NIBAN1: variants seen among roughly 807,000 people sequenced by gnomAD.
NIBAN1 encodes the protein niban apoptosis regulator 1, also known as protein Niban 1.
A neutral mutation model predicts 75.1 loss-of-function variants in NIBAN1; 81 were observed. The observed-to-expected ratio is 1.08, with a 90% confidence interval of 0.90 to 1.30. NIBAN1 has a LOEUF of 1.30. Ranked by LOEUF, NIBAN1 falls within the 50% of genes most tolerant of loss-of-function variation. NIBAN1 has a pLI of 0.00. For synonymous variants in NIBAN1, 436 were observed against 424.8 expected (o/e 1.03, Z -0.32); for missense variants, 1,133 against 1,128.1 (o/e 1.00, Z -0.06).
chr1:184,928,256 C>A (rs1397910763), intron 1 of NIBAN1, among the ~76,000 whole-genome samples: 3 of 152,158 alleles, frequency 2.0e-5, no homozygotes, highest in Admixed American at 1.3e-4. Context: ...TCTTCCCTCT[C>A]CTGAAGCAGA....
chr1:184,913,362 C>T (rs570487395), intron 1 of NIBAN1, among the ~76,000 whole-genome samples: 1 of 152,062 alleles, frequency 6.6e-6, no homozygotes, highest in South Asian at 2.1e-4. Context: ...TGTTCTCAAA[C>T]TTTTGTGTCT....
intron 1 of NIBAN1, among the ~76,000 whole-genome samples, chr1:184,950,352 A>G (rs1453668451): frequency 6.6e-6 from 1 of 152,178 alleles, no homozygotes; most frequent in African/African-American, 2.4e-5. Flanking sequence ...GATGAGAAGG[A>G]GTTAATATAA....
chr1:184,823,060 A>G, intron 8 of NIBAN1, 107 bp downstream of exon 8: 1 of 1,356,270 alleles, frequency 7.4e-7, no homozygotes, highest in South Asian at 1.4e-5. Flanking sequence ...CCTCCTCCCA[A>G]TTTCTTAAGT....
At chr1:184,887,132 G>GTCAA (rs1235391336) in intron 4 of NIBAN1, among the ~76,000 whole-genome samples, 1 of 151,950 alleles carries the variant, frequency 6.6e-6, no homozygotes, top group African/African-American at 2.4e-5. Context: ...AAATCAATCA[G>GTCAA]TCAATCAATC....
intron 5 of NIBAN1, among the ~76,000 whole-genome samples, chr1:184,838,791 T>C (rs762102397): frequency 6.6e-6 from 1 of 152,222 alleles, no homozygotes; most frequent in Non-Finnish European, 1.5e-5. Context: ...TGGGACTCCC[T>C]GACTCAGGCT....
chr1:184,875,527 A>G (rs1248835823), intron 5 of NIBAN1, among the ~76,000 whole-genome samples: 3 of 152,208 alleles, frequency 2.0e-5, no homozygotes, highest in Non-Finnish European at 4.4e-5. Flanking sequence ...GTTCTCCCAA[A>G]TAAGTGATCC....
chr1:184,968,802 CTTTCT>C (rs1324078554), intron 1 of NIBAN1, among the ~76,000 whole-genome samples: 1 of 151,936 alleles, frequency 6.6e-6, no homozygotes, highest in African/African-American at 2.4e-5. Context: ...AAGTTTCTTT[CTTTCT>C]TTCTTTCTTT....
chr1:184,811,913 C>T (rs1415288774), intron 9 of NIBAN1, among the ~76,000 whole-genome samples: 9 of 152,186 alleles, frequency 5.9e-5, no homozygotes, highest in Non-Finnish European at 1.2e-4. Context: ...GCACTCTTTG[C>T]TGATGGCTGT....
intron 1 of NIBAN1, among the ~76,000 whole-genome samples, chr1:184,945,782 G>T (rs1004782114): frequency 2.6e-5 from 4 of 152,128 alleles, no homozygotes; most frequent in African/African-American, 9.7e-5. Flanking sequence ...TGACAAGAAA[G>T]CATGGACTTC....
At chr1:184,919,061 CTG>C (rs1197168101) in intron 1 of NIBAN1, among the ~76,000 whole-genome samples, 1 of 152,144 alleles carries the variant, frequency 6.6e-6, no homozygotes, top group Non-Finnish European at 1.5e-5. Context: ...TTCTTACATA[CTG>C]TGAGTTTATT....
intron 1 of NIBAN1, among the ~76,000 whole-genome samples, chr1:184,947,365 A>G (rs1658253171): frequency 6.6e-6 from 1 of 152,184 alleles, no homozygotes; most frequent in South Asian, 2.1e-4. Context: ...GGAAAGTGAA[A>G]TAGAGGTTAC....
At chr1:184,921,295 C>T (rs574990444) in intron 1 of NIBAN1, among the ~76,000 whole-genome samples, 156 of 151,786 alleles carry the variant, frequency 1.0e-3, no homozygotes, top group African/African-American at 3.5e-3. Context: ...GAAACTCTGT[C>T]TCAAAAAAAA....
At chr1:184,921,966 A>T (rs1380286139) in intron 1 of NIBAN1, among the ~76,000 whole-genome samples, 1 of 152,190 alleles carries the variant, frequency 6.6e-6, no homozygotes, top group Non-Finnish European at 1.5e-5. Context: ...TTTTTGTATT[A>T]TATTATAACA....
intron 2 of NIBAN1, 112 bp downstream of exon 2, chr1:184,899,067 G>A: frequency 7.8e-7 from 1 of 1,277,722 alleles, no homozygotes; most frequent in Admixed American, 2.0e-5. Flanking sequence ...AACGACTTCA[G>A]AGCAGAGTTT....
At chr1:184,801,066 TA>T (rs1426492641) in intron 12 of NIBAN1, among the ~76,000 whole-genome samples, 1 of 152,162 alleles carries the variant, frequency 6.6e-6, no homozygotes, top group Non-Finnish European at 1.5e-5. Context: ...ATCCCATGAT[TA>T]ACTCAGTAAT....
At chr1:184,861,747 G>T (rs569455837) in intron 5 of NIBAN1, among the ~76,000 whole-genome samples, 60 of 149,850 alleles carry the variant, frequency 4.0e-4, no homozygotes, top group African/African-American at 1.4e-3. Flanking sequence ...GAGGGAGGAA[G>T]GGAGGAAAGA....
At chr1:184,833,187 T>C (rs967742804) in intron 5 of NIBAN1, among the ~76,000 whole-genome samples, 7 of 151,050 alleles carry the variant, frequency 4.6e-5, no homozygotes, top group Middle Eastern at 3.2e-3. Flanking sequence ...ACTAAATAGT[T>C]GATATGGGGA....
chr1:184,920,462 A>G (rs1331074660), intron 1 of NIBAN1, among the ~76,000 whole-genome samples: 1 of 152,122 alleles, frequency 6.6e-6, no homozygotes, highest in Non-Finnish European at 1.5e-5. Flanking sequence ...TACTCACCCT[A>G]CAGTGCTATA....
intron 2 of NIBAN1, among the ~76,000 whole-genome samples, chr1:184,897,533 T>C (rs1656832736): frequency 1.3e-5 from 2 of 152,168 alleles, no homozygotes; most frequent in Admixed American, 6.5e-5. Context: ...AGTCTTTCCC[T>C]GTTTTATGGC....
Sources: gnomAD v4.1 joint callset for allele counts (sites outside exome capture counted in the v4.1 genomes callset) on GRCh38, gnomAD v4.1.1 for gene constraint, MANE v1.5 for transcripts, NCBI Gene and HGNC (gene_info 2026-07-23, HGNC 2026-07-21) for gene names.